The following ATG2B variants were observed in gnomAD, a reference collection of about 807,000 sequenced individuals.
The protein encoded by ATG2B is autophagy-related protein 2 homolog B.
A neutral mutation model predicts 241.3 loss-of-function variants in ATG2B; 121 were observed. The ratio of observed to expected loss-of-function variants is 0.50; its 90% CI spans 0.43 to 0.58. The LOEUF (loss-of-function observed/expected upper bound fraction) is 0.58, where lower values mean the gene tolerates loss of function less well. Among genes scored for constraint, ATG2B ranks in the 20% least tolerant of loss-of-function variants. The pLI is 0.00. For missense variants in ATG2B, 2,306 were observed against 2,491.6 expected, an observed-to-expected ratio of 0.93 and a Z score of 1.59; for synonymous variants, 858 against 876.6, an observed-to-expected ratio of 0.98 and a Z score of 0.37.
Position 96,303,180 on chromosome 14 carries a change from G to T in ATG2B, c.4918C>A (p.Arg1640=). The change falls in exon 33 of 42, where the codon CGG becomes AGG. Residue 1640 remains arginine, a synonymous_variant. Coordinates refer to ENST00000359933, the MANE Select transcript of ATG2B (RefSeq NM_018036.7). ...AGATCCTGAACAATGAACACCTGCC[G>T]GGAGACTGGGTGTTCTGAGAGGCTG... ...DSSLSEHPVS[R]QVFIVQDLEI... 1.2e-6 allele frequency: 2 copies of T among 1,612,906 alleles called. No individual in the cohort carries two copies. Among genetic ancestry groups the T allele is most frequent in the Non-Finnish European group, 1.7e-6 (2 of 1,179,456 alleles).
At chr14:96,327,623 G>A (rs1008737004) in intron 14 of ATG2B, among the ~76,000 whole-genome samples, 1 of 152,090 alleles carries the variant, frequency 6.6e-6, no homozygotes, top group African/African-American at 2.4e-5. Context: ...AACTCTGATA[G>A]ACATGAAAAG....
rs117685680 is a variant in ATG2B at position 96,334,126 on chromosome 14, T to C, written c.1022-253A>G. On this transcript the variant is annotated intron_variant, in intron 7 of 41. Coordinates refer to ENST00000359933, the MANE Select transcript of ATG2B (RefSeq NM_018036.7). ...TACCACTTACTGTGTTCAAGAATTATACTTTCTCGATTGTATGAAGTACTA... is the reference window on the plus strand; with the variant it reads ...TACCACTTACTGTGTTCAAGAATTACACTTTCTCGATTGTATGAAGTACTA... Among the ~76,000 whole-genome samples the C allele has an allele frequency of 4.4e-3, 677 of 152,286 alleles. 26 individuals carry two copies. In the South Asian group the frequency reaches 0.067, roughly 15 times the overall value.
intron 21 of ATG2B, among the ~76,000 whole-genome samples, chr14:96,315,817 T>C (rs890560677): frequency 1.9e-4 from 29 of 152,140 alleles, no homozygotes; most frequent in African/African-American, 7.0e-4. Context: ...GAAAATTAAA[T>C]AGAAAACTAT....
At chr14:96,297,678 T>A (rs1362469770) in intron 34 of ATG2B, among the ~76,000 whole-genome samples, 1 of 152,208 alleles carries the variant, frequency 6.6e-6, no homozygotes, top group Non-Finnish European at 1.5e-5. Context: ...ATTACAGGCG[T>A]GAGCCACCGC....
intron 38 of ATG2B, 76 bp from the exon 39 acceptor site, chr14:96,291,011 T>TA: frequency 7.5e-7 from 1 of 1,334,402 alleles, no homozygotes; most frequent in African/African-American, 1.5e-5. Context: ...GGTTTTTTTT[T>TA]ACTTAAAACA....
intron 11 of ATG2B, among the ~76,000 whole-genome samples, chr14:96,330,980 T>C (rs893776970): frequency 1.3e-5 from 2 of 152,180 alleles, no homozygotes; most frequent in African/African-American, 4.8e-5. Flanking sequence ...TCAGTTCCAA[T>C]AGTATTATTT....
At chr14:96,323,625 G>A (rs192466244) in intron 16 of ATG2B, among the ~76,000 whole-genome samples, 16 of 152,312 alleles carry the variant, frequency 1.1e-4, no homozygotes, top group Admixed American at 9.8e-4. Context: ...TACCAGGTGT[G>A]TATGAGCAAC....
chr14:96,356,143 C>T (rs1888467940), intron 1 of ATG2B, among the ~76,000 whole-genome samples: 1 of 146,646 alleles, frequency 6.8e-6, no homozygotes, highest in Non-Finnish European at 1.5e-5. Context: ...TGCACTCCAA[C>T]CTGGGTGACA....
rs1373731978 is a variant in ATG2B, at chr14:96,283,796, A to C, written c.*1959T>G. 6.6e-6 allele frequency: 1 copy of C among 152,242 alleles called. No individual in the cohort carries two copies. The highest frequency in any genetic ancestry group is 1.5e-5 in the Non-Finnish European group (1 of 68,040). The allele number at this position is 152,242 out of a possible 1,614,324, so 9.4% of individuals were successfully genotyped here. On this transcript the variant is annotated 3_prime_UTR_variant, in exon 42 of 42. Transcript: ENST00000359933. ...AACATCTTGGCTGAACTGACAACGAATCTTTTTGAGACACAACGTTTCTGT... is the reference window on the plus strand; with the variant it reads ...AACATCTTGGCTGAACTGACAACGACTCTTTTTGAGACACAACGTTTCTGT...
At chr14:96,319,459 A>C (rs1887403572) in intron 18 of ATG2B, among the ~76,000 whole-genome samples, 1 of 152,232 alleles carries the variant, frequency 6.6e-6, no homozygotes, top group South Asian at 2.1e-4. Context: ...TTTTCGACAC[A>C]GAAAACATTC....
chr14:96,338,783 G>A (rs972964908), intron 6 of ATG2B, among the ~76,000 whole-genome samples: 1 of 152,028 alleles, frequency 6.6e-6, no homozygotes, highest in African/African-American at 2.4e-5. Flanking sequence ...AAAAATAAAT[G>A]GGACCTGATT....
intron 14 of ATG2B, among the ~76,000 whole-genome samples, chr14:96,326,132 A>G (rs2139874517): frequency 6.6e-6 from 1 of 152,332 alleles, no homozygotes; most frequent in East Asian, 1.9e-4. Context: ...ACTATTGGCA[A>G]AAGTTAAACT....
intron 29 of ATG2B, among the ~76,000 whole-genome samples, chr14:96,309,239 A>C (rs1887083861): frequency 6.6e-6 from 1 of 152,226 alleles, no homozygotes; most frequent in Non-Finnish European, 1.5e-5. Context: ...AGAAAACATA[A>C]GCACTGTCTT....
chr14:96,309,394 CAAAT>C, intron 29 of ATG2B, 55 bp downstream of exon 29: 9 of 1,532,254 alleles, frequency 5.9e-6, no homozygotes, highest in Non-Finnish European at 7.9e-6. Flanking sequence ...TACGAGAACA[CAAAT>C]AAAGTAAGCC....
chr14:96,347,175 C>T lies in ATG2B; in HGVS notation c.325+4G>A. ...CATAAAACAGAAACATACAACACAC[C>T]AACCTGGGCGAGGTCTAGGCCGGAA... is the stretch of plus-strand genomic sequence containing the variant. On this transcript the variant is annotated splice_donor_region_variant and intron_variant, in intron 2 of 41. Coordinates refer to ENST00000359933, the MANE Select transcript of ATG2B (RefSeq NM_018036.7). The T allele has an allele frequency of 6.4e-7, 1 of 1,570,054 alleles. No homozygotes were observed. The highest frequency in any genetic ancestry group is 8.7e-7 in the Non-Finnish European group (1 of 1,147,064).
chr14:96,298,862 T>C (rs956926136), intron 34 of ATG2B, among the ~76,000 whole-genome samples: 12 of 152,190 alleles, frequency 7.9e-5, no homozygotes, highest in African/African-American at 2.2e-4. Context: ...GAAACCTCCA[T>C]TGAACACTTA....
At chr14:96,319,960 T>C (rs1431162351) in intron 18 of ATG2B, among the ~76,000 whole-genome samples, 2 of 152,180 alleles carry the variant, frequency 1.3e-5, no homozygotes, top group Non-Finnish European at 2.9e-5. Flanking sequence ...GAGGGAGCGC[T>C]TCAGTATTTA....
Position 96,332,359 on chromosome 14 carries a change from T to C in ATG2B, c.1414A>G (p.Arg472Gly), listed in dbSNP as rs1337671850. ...AGGTTGGATGGAAATGTTGACCCTCTTACTGGCTGTTCTTTATGATGATCA... is the reference window on the plus strand; with the variant it reads ...AGGTTGGATGGAAATGTTGACCCTCCTACTGGCTGTTCTTTATGATGATCA... ...FLDHHKEQPV[R>G]GSTFPSNLVH... The change falls in exon 10 of 42, where the codon AGA (arginine) becomes GGA (glycine). Residue 472 changes from arginine to glycine, a missense_variant. Arg to Gly is a moderately radical substitution (Grantham distance 125, BLOSUM62 -2). Around this residue, in one of 2 missense-constraint regions of ATG2B, gnomAD observed 1,927 missense variants for 2,011.2 expected, o/e 0.96. Coordinates refer to ENST00000359933, the MANE Select transcript of ATG2B (RefSeq NM_018036.7). 16 of 1,613,854 alleles carry C rather than the reference T, an allele frequency of 9.9e-6. No individual in the cohort carries two copies. Among genetic ancestry groups the C allele is most frequent in the African/African-American group, 4.0e-5 (3 of 74,938 alleles).
rs568953576 is a variant in ATG2B at position 96,299,607 on chromosome 14, C to T, written c.5139+2400G>A. 8.5e-5 allele frequency among the ~76,000 whole-genome samples: 13 copies of T among 152,208 alleles called. No individual in the cohort carries two copies. In the South Asian group the frequency reaches 1.0e-3, roughly 12 times the overall value. On this transcript the variant is annotated intron_variant, in intron 34 of 41. Transcript: ENST00000359933. ...AATAGGCTAGCAGAGTCAGGAAATC[C>T]GGCCCCCTTCCTATTTTGAATCTCA...
Sources: allele counts gnomAD v4.1 joint callset (sites outside exome capture counted in the v4.1 genomes callset), GRCh38; gene constraint gnomAD v4.1.1; regional missense constraint gnomAD v4.1.1; transcripts MANE v1.5; gene names NCBI Gene and HGNC (gene_info 2026-07-23, HGNC 2026-07-21).